SSR1: variants seen among roughly 807,000 people sequenced by gnomAD.
SSR1 encodes the protein signal sequence receptor subunit 1.
A neutral mutation model predicts 36.1 loss-of-function variants in SSR1; 13 were observed. The ratio of observed to expected loss-of-function variants is 0.36; its 90% CI spans 0.23 to 0.57. The LOEUF (loss-of-function observed/expected upper bound fraction) is 0.57. SSR1 is among the 20% of genes least tolerant of loss of function. SSR1 has a pLI of 0.81. For synonymous variants in SSR1, 113 were observed against 118.9 expected (o/e 0.95, Z 0.32); for missense variants, 291 against 338.5 (o/e 0.86, Z 1.10).
chr6:7,292,903 C>A (rs1757714087), intron 7 of SSR1, among the ~76,000 whole-genome samples: 1 of 126,250 alleles, frequency 7.9e-6, no homozygotes, highest in African/African-American at 2.5e-5. Context: ...ACAGCTAGCT[C>A]ACAGAAAGAG....
rs754276866 is a variant in SSR1, at chr6:7,313,058, G to A, written c.63C>T (p.Phe21=). The A allele has an allele frequency of 1.2e-6, 2 of 1,607,978 alleles. No individual in the cohort carries two copies. The highest frequency in any genetic ancestry group is 1.7e-6 in the Non-Finnish European group (2 of 1,177,162). Residue 21 remains phenylalanine, a synonymous_variant, in exon 1 of 8, where the codon TTC becomes TTT. Coordinates refer to ENST00000244763, the MANE Select transcript of SSR1 (RefSeq NM_003144.5). ...LLLVFPATVL[F]RGGPRGLLAV... is the part of the protein sequence containing the mutation. ...CAGCCTCACCTCTGGGGCCGCCTCG[G>A]AACAAGACAGTGGCAGGGAACACGA...
At chr6:7,295,547 T>TA in intron 6 of SSR1, 62 bp from the exon 7 acceptor site, 8 of 1,256,336 alleles carry the variant, frequency 6.4e-6, no homozygotes, top group Non-Finnish European at 8.8e-6. Context: ...TAATATTTTT[T>TA]AAAAAAGAGT....
At chr6:7,292,417 T>C (rs915559678) in intron 7 of SSR1, among the ~76,000 whole-genome samples, 2 of 152,212 alleles carry the variant, frequency 1.3e-5, no homozygotes, top group Non-Finnish European at 2.9e-5. Context: ...TTCTACTCCC[T>C]TTTACTCCTA....
Position 7,303,614 on chromosome 6 carries a change from ATCT to A in SSR1, c.213_215del (p.Glu71del), listed in dbSNP as rs1181686274. 3.7e-6 allele frequency: 6 copies of A among 1,613,260 alleles called. No individual in the cohort carries two copies. The highest frequency in any genetic ancestry group is 1.7e-5 in the Admixed American group (1 of 59,976). Reference sequence around the variant, plus strand: ...GTGAAGCTTCAGGTTCACCAGACACATCTTCTTCCTCTTTATCTTCTACCTAAG... The same window carrying A: ...GTGAAGCTTCAGGTTCACCAGACACATCTTCCTCTTTATCTTCTACCTAAG... On this transcript the variant is annotated inframe_deletion, in exon 3 of 8. Transcript: ENST00000244763.
intron 1 of SSR1, among the ~76,000 whole-genome samples, chr6:7,310,676 T>G (rs1362707884): frequency 1.3e-5 from 2 of 152,168 alleles, no homozygotes; most frequent in Non-Finnish European, 2.9e-5. Flanking sequence ...TTTAGAAGGC[T>G]GAGGAGGGTG....
At position 7,306,952 on chromosome 6, in the gene SSR1, TA is replaced by T. The variant is rs77938603; in HGVS notation, c.192+2964del. Among the ~76,000 whole-genome samples the T allele has an allele frequency of 1.7e-3, 231 of 132,500 alleles. 1 individual carries two copies. The highest frequency in any genetic ancestry group is 3.4e-3 in the African/African-American group (116 of 34,078). 86.9% of individuals were successfully genotyped at this position (132,500 alleles called of 152,430 possible). ...GGGTGGGGGAAAGCCCAAGGTGACT[TA>T]AAAAAAAAAAAAAGGTTTGTCCTCA... On this transcript the variant is annotated intron_variant, in intron 2 of 7. Transcript: ENST00000244763.
Position 7,288,933 on chromosome 6 carries a change from C to T in SSR1, c.*931G>A, listed in dbSNP as rs3087986. 56,234 of 152,014 alleles carry T rather than the reference C, an allele frequency of 0.37. 10,482 individuals are homozygous for T. Among genetic ancestry groups the T allele is most frequent in the South Asian group, 0.43 (2,076 of 4,816 alleles). 9.4% of individuals were successfully genotyped at this position (152,014 alleles called of 1,614,324 possible). ...CACTTTCTTCATTGATTAGGAGTAA[C>T]TGGGAAATATCTCTGTCCTGATAAC... On this transcript the variant is annotated 3_prime_UTR_variant, in exon 8 of 8. Coordinates refer to ENST00000244763, the MANE Select transcript of SSR1 (RefSeq NM_003144.5).
Position 7,309,914 on chromosome 6 carries a change from A to T in SSR1, c.192+3T>A, listed in dbSNP as rs772094315. The T allele has an allele frequency of 1.2e-6, 2 of 1,605,324 alleles. No individual in the cohort carries two copies. The highest frequency in any genetic ancestry group is 1.7e-6 in the Non-Finnish European group (2 of 1,172,186). ...CATATATTAAATAGTATGTAACACT[A>T]ACCAAATCTGTGGGTTCATCTTCTT... is the stretch of plus-strand genomic sequence containing the variant. On this transcript the variant is annotated splice_donor_region_variant and intron_variant, in intron 2 of 7. Transcript: ENST00000244763.
At position 7,295,476 on chromosome 6, in the gene SSR1, GTC is replaced by G; in HGVS notation, c.707_708del (p.Arg236ThrfsTer14). 6.2e-7 allele frequency: 1 copy of G among 1,600,048 alleles called. No homozygotes were observed. Among genetic ancestry groups the G allele is most frequent in the Non-Finnish European group, 8.5e-7 (1 of 1,173,640 alleles). ...HQLLESRKRKRPIQKVEMGTS... is the reference protein window; with the variant it reads ...HQLLESRKRKXPIQKVEMGTS... ...GTACCCATTTCTACTTTCTGTATGGGTCTCTTACGCTAAAAGAACATAAAGAC... is the reference window on the plus strand; with the variant it reads ...GTACCCATTTCTACTTTCTGTATGGGTCTTACGCTAAAAGAACATAAAGAC... On this transcript the variant is annotated frameshift_variant, in exon 7 of 8. Transcript: ENST00000244763. LOFTEE classifies it high-confidence loss of function.
chr6:7,298,111 GA>G (rs1757843324), intron 5 of SSR1, 110 bp from the exon 6 acceptor site: 1 of 781,976 alleles, frequency 1.3e-6, no homozygotes, highest in Non-Finnish European at 2.0e-6. Context: ...AACTTGTGGC[GA>G]AAAGGAATAA....
intron 1 of SSR1, among the ~76,000 whole-genome samples, chr6:7,312,088 C>T (rs1235221010): frequency 1.3e-5 from 2 of 152,320 alleles, no homozygotes; most frequent in South Asian, 4.1e-4. Context: ...TTAAGACACA[C>T]AGCTTGCTTA....
chr6:7,295,570 A>G (rs908806882), intron 6 of SSR1, 85 bp from the exon 7 acceptor site: 35 of 1,026,182 alleles, frequency 3.4e-5, no homozygotes, highest in Non-Finnish European at 4.5e-5. Flanking sequence ...AGGTCTTGCT[A>G]TGTTGCCCAG....
intron 7 of SSR1, among the ~76,000 whole-genome samples, chr6:7,294,758 T>A (rs1217577948): frequency 2.0e-5 from 3 of 152,162 alleles, no homozygotes; most frequent in African/African-American, 7.2e-5. Flanking sequence ...TTTTTTCACT[T>A]CTGTACTATT....
At chr6:7,295,255 A>G in intron 7 of SSR1, 137 bp downstream of exon 7, 3 of 1,084,010 alleles carry the variant, frequency 2.8e-6, no homozygotes, top group South Asian at 1.5e-5. Context: ...ATTAATCACT[A>G]TACTAGATTC....
At chr6:7,307,763 T>C (rs375049875) in intron 2 of SSR1, among the ~76,000 whole-genome samples, 27 of 152,328 alleles carry the variant, frequency 1.8e-4, no homozygotes, top group African/African-American at 6.5e-4. Context: ...TGGACTCAAG[T>C]GATCCTCCTG....
At chr6:7,309,609 G>A (rs1163390236) in intron 2 of SSR1, among the ~76,000 whole-genome samples, 7 of 152,194 alleles carry the variant, frequency 4.6e-5, no homozygotes, top group African/African-American at 9.7e-5. Context: ...TCACGGGGAC[G>A]GTTACCTCCA....
intron 7 of SSR1, among the ~76,000 whole-genome samples, chr6:7,292,596 G>A (rs1287862932): frequency 6.6e-6 from 1 of 151,956 alleles, no homozygotes; most frequent in Non-Finnish European, 1.5e-5. Flanking sequence ...ATGTGGCCGA[G>A]GCTGGATTCG....
intron 2 of SSR1, among the ~76,000 whole-genome samples, chr6:7,306,758 T>A (rs1023916323): frequency 2.0e-5 from 3 of 151,428 alleles, no homozygotes; most frequent in Non-Finnish European, 2.9e-5. Context: ...CTACTAAAAA[T>A]ACAAAAAATT....
chr6:7,312,425 AACGGGG>A (rs1758217892), intron 1 of SSR1, among the ~76,000 whole-genome samples: 1 of 152,216 alleles, frequency 6.6e-6, no homozygotes, highest in South Asian at 2.1e-4. Context: ...AGGGGCGGAT[AACGGGG>A]GTGACGATGG....
Sources: gnomAD v4.1 joint callset for allele counts (sites outside exome capture counted in the v4.1 genomes callset) on GRCh38, gnomAD v4.1.1 for gene constraint, MANE v1.5 for transcripts, NCBI Gene and HGNC (gene_info 2026-07-23, HGNC 2026-07-21) for gene names.